The following ANKRD11 variants were observed in gnomAD, a reference collection of about 807,000 sequenced individuals.
The protein encoded by ANKRD11 is ankyrin repeat domain-containing protein 11.
Under a neutral mutation model 195.7 loss-of-function variants are expected in ANKRD11, and 17 were observed. The ratio of observed to expected loss-of-function variants is 0.09; its 90% confidence interval spans 0.06 to 0.13. ANKRD11 has a LOEUF of 0.13. Among genes scored for constraint, ANKRD11 ranks in the 10% least tolerant of loss-of-function variants. The pLI, the probability that ANKRD11 is intolerant of heterozygous loss-of-function variation, is 1.00. For missense variants in ANKRD11, 3,735 were observed against 3,566.1 expected, an observed-to-expected ratio of 1.05 and a Z score of -1.21; for synonymous variants, 1,953 against 1,528.1, an observed-to-expected ratio of 1.28 and a Z score of -6.49.
At chr16:89,310,903 G>T (rs1017318394) in intron 3 of ANKRD11, among the ~76,000 whole-genome samples, 1 of 152,142 alleles carries the variant, frequency 6.6e-6, no homozygotes, top group Non-Finnish European at 1.5e-5. Context: ...TCTGACTTTC[G>T]TGCTGCCTGG....
At chr16:89,454,583 C>T (rs961833305) in intron 1 of ANKRD11, among the ~76,000 whole-genome samples, 41 of 152,090 alleles carry the variant, frequency 2.7e-4, no homozygotes, top group African/African-American at 9.7e-4. Flanking sequence ...CAGCAGCTAC[C>T]ACTGCTACGG....
intron 1 of ANKRD11, among the ~76,000 whole-genome samples, chr16:89,474,950 C>A (rs150298281): frequency 5.9e-4 from 90 of 152,362 alleles, no homozygotes; most frequent in Non-Finnish European, 1.2e-3. Context: ...TGGCCGGGAG[C>A]TGCCTCCTTT....
chr16:89,277,495 G>A (rs915525124), intron 9 of ANKRD11: 2 of 152,310 alleles, frequency 1.3e-5, no homozygotes, highest in African/African-American at 4.8e-5. Context: ...AGTCAGACTA[G>A]TGTTATGATC....
chr16:89,352,684 T>C (rs1315885454), intron 2 of ANKRD11, among the ~76,000 whole-genome samples: 1 of 152,202 alleles, frequency 6.6e-6, no homozygotes, highest in African/African-American at 2.4e-5. Context: ...CTGGCCCTTC[T>C]CCACCCAATT....
chr16:89,322,170 T>C (rs2037366241), intron 2 of ANKRD11, among the ~76,000 whole-genome samples: 2 of 152,190 alleles, frequency 1.3e-5, no homozygotes, highest in Admixed American at 6.6e-5. Flanking sequence ...CCCCAACCCC[T>C]GTATTGTTCA....
At chr16:89,341,046 G>A (rs2038630295) in intron 2 of ANKRD11, among the ~76,000 whole-genome samples, 3 of 152,174 alleles carry the variant, frequency 2.0e-5, no homozygotes, top group Non-Finnish European at 4.4e-5. Flanking sequence ...AATGGCTTCA[G>A]AATCCTTTAA....
In ANKRD11 at chr16:89,285,288, G is replaced by C. The variant is rs148502635; in HGVS notation, c.1254C>G (p.Val418=). The C allele has an allele frequency of 5.0e-5, 81 of 1,613,910 alleles. 1 individual carries two copies. In the African/African-American group the frequency reaches 9.6e-4, roughly 19 times the overall value. Residue 418 remains valine, a synonymous_variant, in exon 9 of 13, where the codon GTC becomes GTG. Coordinates refer to ENST00000301030, the MANE Select transcript of ANKRD11 (RefSeq NM_013275.6). This position sits in a 1 kb window ranked among gnomAD's most constrained non-coding sequence, Gnocchi z 5.6. ...TCAGCTTCTCTCCTGTCCCCACGGT[G>C]ACACTCGCGTCCTCCTCGTCCGACG... ...SDTSDEEDAS[V]TVGTGEKLRL...
At chr16:89,309,335 C>G (rs1316645280) in intron 3 of ANKRD11, among the ~76,000 whole-genome samples, 1 of 152,206 alleles carries the variant, frequency 6.6e-6, no homozygotes, top group African/African-American at 2.4e-5. Flanking sequence ...ACAGCCAAAA[C>G]CTACCAGTGG....
chr16:89,313,114 T>C (rs1302648762), intron 3 of ANKRD11, among the ~76,000 whole-genome samples: 5 of 152,286 alleles, frequency 3.3e-5, no homozygotes, highest in African/African-American at 1.2e-4. Flanking sequence ...TGTGGGTTCC[T>C]AACAAGCTCC....
chr16:89,452,646 G>A (rs2011652), intron 1 of ANKRD11, among the ~76,000 whole-genome samples: 1,751 of 151,886 alleles, frequency 0.012, 12 homozygotes, highest in Non-Finnish European at 0.018. Context: ...GTGTGGTGGC[G>A]GGAGCCTGTA....
At chr16:89,376,206 A>G (rs576007043) in intron 2 of ANKRD11, among the ~76,000 whole-genome samples, 2 of 152,356 alleles carry the variant, frequency 1.3e-5, no homozygotes, top group African/African-American at 4.8e-5. Context: ...AATAGACTCT[A>G]GTCTGATTCC....
intron 1 of ANKRD11, among the ~76,000 whole-genome samples, chr16:89,434,286 A>T (rs181882337): frequency 2.4e-4 from 36 of 151,926 alleles, no homozygotes; most frequent in South Asian, 4.2e-4. Flanking sequence ...AATCTAATTT[A>T]AAAAAAAATC....
intron 4 of ANKRD11, chr16:89,299,670 G>A (rs1215447980): frequency 8.7e-5 from 15 of 172,984 alleles, no homozygotes; most frequent in South Asian, 2.7e-4. Context: ...TGTGGGGTGC[G>A]TGGGGTCTGT....
chr16:89,378,175 G>A (rs943061935), intron 2 of ANKRD11, among the ~76,000 whole-genome samples: 2 of 152,134 alleles, frequency 1.3e-5, no homozygotes, highest in East Asian at 1.9e-4. Context: ...CATGGCAAGC[G>A]AGACTCTGTC....
intron 1 of ANKRD11, among the ~76,000 whole-genome samples, chr16:89,465,789 C>G (rs967978308): frequency 6.6e-6 from 1 of 152,186 alleles, no homozygotes; most frequent in African/African-American, 2.4e-5. Flanking sequence ...CAGCTAACTG[C>G]AAGCTCCACC....
intron 1 of ANKRD11, among the ~76,000 whole-genome samples, chr16:89,487,894 A>G (rs1326745684): frequency 6.6e-6 from 1 of 152,180 alleles, no homozygotes; most frequent in Non-Finnish European, 1.5e-5. Flanking sequence ...CCGTATCAAC[A>G]CTGTAATTAC....
Position 89,281,258 on chromosome 16 carries a change from C to T in ANKRD11, c.5284G>A (p.Asp1762Asn), listed in dbSNP as rs1567564467. The change falls in exon 9 of 13, where the codon GAC becomes AAC. Residue 1762 changes from aspartate to asparagine, a missense_variant. Transcript: ENST00000301030. This position sits in a 1 kb window ranked among gnomAD's most constrained non-coding sequence, Gnocchi z 5.5. The part of the protein sequence containing the change: ...PTSACSPSFF[D>N]RFSVASSGLS... Reference sequence around the variant, plus strand: ...CCACTTGAAGCCACGGAGAACCTGTCGAAAAAGGAGGGGGAGCAGGCGCTG... The same window carrying T: ...CCACTTGAAGCCACGGAGAACCTGTTGAAAAAGGAGGGGGAGCAGGCGCTG... 2 of 1,614,110 alleles carry T rather than the reference C, an allele frequency of 1.2e-6. No homozygotes were observed. Among genetic ancestry groups the T allele is most frequent in the Middle Eastern group, 1.6e-4 (1 of 6,062 alleles).
intron 2 of ANKRD11, among the ~76,000 whole-genome samples, chr16:89,355,043 GAAC>G (rs536268731): frequency 3.9e-4 from 59 of 152,312 alleles, no homozygotes; most frequent in Non-Finnish European, 7.5e-4. Context: ...GGAAACGCCA[GAAC>G]AACATGTTTG....
chr16:89,405,491 ATTTTTTTTT>A lies in ANKRD11; in HGVS notation c.-60+12784_-60+12792del, dbSNP rs60792139. On this transcript the variant is annotated intron_variant, in intron 2 of 12. Transcript: ENST00000301030. Reference sequence around the variant, plus strand: ...AGGCACGTGCCACCACACCTGGCTCATTTTTTTTTTTTTTTTTTTTTGGTAGAGACAGGG... The same window carrying A: ...AGGCACGTGCCACCACACCTGGCTCATTTTTTTTTTTTGGTAGAGACAGGG... 3.5e-4 allele frequency among the ~76,000 whole-genome samples: 39 copies of A among 111,458 alleles called. 1 individual carries two copies. The South Asian group carries it at 4.0e-3, about 11-fold the overall frequency. The allele number at this position is 111,458 out of a possible 152,430, so 73.1% of individuals were successfully genotyped here.
Sources: allele counts gnomAD v4.1 joint callset (sites outside exome capture counted in the v4.1 genomes callset), GRCh38; gene constraint gnomAD v4.1.1; non-coding constraint Gnocchi (gnomAD v3.1); transcripts MANE v1.5; gene names NCBI Gene and HGNC (gene_info 2026-07-23, HGNC 2026-07-21).